SLC6A16: variants seen among roughly 807,000 people sequenced by gnomAD.
SLC6A16 encodes the protein orphan sodium- and chloride-dependent neurotransmitter transporter NTT5.
In SLC6A16, 54 loss-of-function variants were observed where a neutral mutation model predicts 65.4. The ratio of observed to expected loss-of-function variants is 0.83; its 90% CI spans 0.66 to 1.04. The LOEUF is 1.04. Ranked by LOEUF, SLC6A16 falls within the 50% of genes least tolerant of loss-of-function variation. SLC6A16 has a pLI of 0.00. For synonymous variants in SLC6A16, 330 were observed against 346.5 expected, an observed-to-expected ratio of 0.95 and a Z score of 0.53; for missense variants, 816 against 914.0, an observed-to-expected ratio of 0.89 and a Z score of 1.38.
intron 9 of SLC6A16, among the ~76,000 whole-genome samples, 190 bp from the exon 10 acceptor site, chr19:49,293,572 C>T (rs1167791398): frequency 6.6e-6 from 1 of 152,082 alleles, no homozygotes; most frequent in Non-Finnish European, 1.5e-5. Context: ...TGAGACCAGC[C>T]AGGCAACATG....
intron 1 of SLC6A16, among the ~76,000 whole-genome samples, chr19:49,317,294 T>C (rs1970628668): frequency 6.6e-6 from 1 of 151,862 alleles, no homozygotes; most frequent in South Asian, 2.1e-4. Flanking sequence ...TGAGCCAAGA[T>C]TGCACCACTG....
chr19:49,333,577 G>C, the SLC6A16 span, among the ~76,000 whole-genome samples: 1 of 152,182 alleles, frequency 6.6e-6, no homozygotes, highest in Non-Finnish European at 1.5e-5. Context: ...CCCCTCTGGG[G>C]CTATGTGGGG....
Position 49,290,048 on chromosome 19 carries a change from G to A in SLC6A16, c.*75C>T. 1 of 1,457,342 alleles carries A rather than the reference G, an allele frequency of 6.9e-7. No homozygotes were observed. Among genetic ancestry groups the A allele is most frequent in the Non-Finnish European group, 9.4e-7 (1 of 1,067,610 alleles). The allele number at this position is 1,457,342 out of a possible 1,614,324, so 90.3% of individuals were successfully genotyped here. On this transcript the variant is annotated 3_prime_UTR_variant, in exon 12 of 12. Coordinates refer to ENST00000335875, the MANE Select transcript of SLC6A16 (RefSeq NM_014037.3). ...GGTTCTGGATCCAGGGAGATCAACA[G>A]TTGCAAGCTGATATTAAGAGTTGTC...
chr19:49,294,417 T>G lies in SLC6A16; in HGVS notation c.1366A>C (p.Met456Leu), dbSNP rs750394273. 33 of 1,614,036 alleles carry G rather than the reference T, an allele frequency of 2.0e-5. No individual in the cohort carries two copies. The highest frequency in any genetic ancestry group is 1.9e-5 in the Non-Finnish European group (22 of 1,180,028). Residue 456 changes from methionine (M) to leucine (L), a missense_variant, in exon 8 of 12, where the codon ATG becomes CTG. Transcript: ENST00000335875. The part of the protein sequence containing the change: ...LSGLPQHIKS[M>L]VLREVTECNI... ...CACTCAGTCACCTCGCGGAGAACCA[T>G]GCTTTTGATGTGCTGGGGAAGGCCA...
intron 7 of SLC6A16, among the ~76,000 whole-genome samples, chr19:49,299,720 C>G (rs190550250): frequency 6.6e-6 from 1 of 151,452 alleles, no homozygotes; most frequent in African/African-American, 2.4e-5. Context: ...CACTAGCAGA[C>G]TATCACTAAA....
chr19:49,290,738 C>G lies in SLC6A16; in HGVS notation c.1808G>C (p.Gly603Ala), dbSNP rs1450875177. Reference protein sequence around the residue: ...RFLADLTILLGHPISPIFGWL... With the variant: ...RFLADLTILLAHPISPIFGWL... ...ACCAAAGATGGGAGAGATGGGGTGG[C>G]CCAACAGGATCGTCAGGTCTGCAAG... The change falls in exon 11 of 12, where the codon GGC becomes GCC. Residue 603 changes from glycine (G) to alanine (A), a missense_variant. Transcript: ENST00000335875. 1.2e-6 allele frequency: 2 copies of G among 1,612,372 alleles called. No homozygotes were observed. Among genetic ancestry groups the G allele is most frequent in the Non-Finnish European group, 1.7e-6 (2 of 1,179,298 alleles).
intron 1 of SLC6A16, 23 bp from the exon 2 acceptor site, chr19:49,311,434 G>C: frequency 1.4e-6 from 2 of 1,407,490 alleles, no homozygotes; most frequent in East Asian, 4.8e-5. Context: ...AAAATCTGTA[G>C]ATTTTAGATT....
the SLC6A16 span, chr19:49,338,923 A>G: frequency 5.0e-6 from 8 of 1,612,638 alleles, no homozygotes; most frequent in South Asian, 8.8e-5. This position sits in a 1 kb window ranked among gnomAD's most constrained non-coding sequence, Gnocchi z 5.0. Flanking sequence ...GCAGAGAGCC[A>G]CATCTACCGC....
At position 49,311,211 on chromosome 19, in the gene SLC6A16, G is replaced by A. The variant is rs374191258; in HGVS notation, c.137C>T (p.Thr46Ile). Residue 46 changes from threonine (T) to isoleucine (I), a missense_variant, in exon 2 of 12, where the codon ACC (threonine) becomes ATC (isoleucine). Coordinates refer to ENST00000335875, the MANE Select transcript of SLC6A16 (RefSeq NM_014037.3). ...GGCTGCTGAAACTTGGGCCTCTGAG[G>A]TCCAAGATGTTGCAGACCGGGTCAA... ...GSLTRSATSW[T>I]SEAQVSAARV... 1.7e-5 allele frequency: 27 copies of A among 1,614,000 alleles called. No homozygotes were observed. In the African/African-American group the frequency reaches 2.9e-4, roughly 18 times the overall value.
At chr19:49,340,245 C>T in the SLC6A16 span, 2 of 1,612,060 alleles carry the variant, frequency 1.2e-6, no homozygotes, top group Non-Finnish European at 1.7e-6. Context: ...TCTCCTTTCT[C>T]TATAGCTCGG....
chr19:49,329,763 GCTGGGACTACAGGCGCCCGCCACTACGC>G (rs1168165046), upstream of SLC6A16, among the ~76,000 whole-genome samples: 1 of 150,892 alleles, frequency 6.6e-6, no homozygotes, highest in East Asian at 2.0e-4. Context: ...CTCCCGAATA[GCTGGGACTACAGGCGCCCGCCACTACGC>G]CTGGCTAATT....
Position 49,294,621 on chromosome 19 carries a change from T to A in SLC6A16, c.1230-68A>T, listed in dbSNP as rs1049299015. The A allele has an allele frequency of 1.8e-5, 24 of 1,344,670 alleles. No individual in the cohort carries two copies. The African/African-American group carries it at 3.4e-4, about 19-fold the overall frequency. 83.3% of individuals were successfully genotyped at this position (1,344,670 alleles called of 1,614,324 possible). ...TAGGAGATAGTCTCCTTTTCCCTTA[T>A]CTTCAAGATAAAAAAGGCTATCACT... On this transcript the variant is annotated intron_variant, in intron 7 of 11. Transcript: ENST00000335875.
intron 7 of SLC6A16, among the ~76,000 whole-genome samples, chr19:49,306,880 T>A (rs1970399822): frequency 6.6e-6 from 1 of 152,020 alleles, no homozygotes; most frequent in South Asian, 2.1e-4. Context: ...TATGCGTATC[T>A]ACTAAGCAAT....
chr19:49,293,707 TA>T, intron 9 of SLC6A16, 119 bp downstream of exon 9: 1 of 859,960 alleles, frequency 1.2e-6, no homozygotes, highest in Non-Finnish European at 1.9e-6. Flanking sequence ...GAAGTTGCAG[TA>T]AGCCGAGATC....
At chr19:49,305,100 C>A (rs967395911) in intron 7 of SLC6A16, among the ~76,000 whole-genome samples, 12 of 152,174 alleles carry the variant, frequency 7.9e-5, no homozygotes, top group Non-Finnish European at 1.0e-4. Context: ...CTTCCTTCAA[C>A]CAAGAAATGT....
the SLC6A16 span, among the ~76,000 whole-genome samples, chr19:49,334,052 A>C: frequency 1.8e-4 from 27 of 152,202 alleles, no homozygotes; most frequent in Admixed American, 1.1e-3. Flanking sequence ...ACTCCCAGGG[A>C]CCTTCCCACC....
intron 3 of SLC6A16, 79 bp downstream of exon 3, chr19:49,310,274 C>T: frequency 6.2e-7 from 1 of 1,602,730 alleles, no homozygotes; most frequent in Non-Finnish European, 8.5e-7. Context: ...TGGAGGTATT[C>T]ACAGGGCGCA....
At chr19:49,336,803 G>A in the SLC6A16 span, 4 of 1,197,702 alleles carry the variant, frequency 3.3e-6, no homozygotes, top group South Asian at 4.2e-5. Context: ...CCCAGAGAGA[G>A]GGGCACCAAG....
At chr19:49,338,969 A>C in the SLC6A16 span, 1 of 1,417,710 alleles carries the variant, frequency 7.1e-7, no homozygotes, top group South Asian at 1.1e-5. This position sits in a 1 kb window ranked among gnomAD's most constrained non-coding sequence, Gnocchi z 5.0. Flanking sequence ...AACCTGTCGA[A>C]TGGGGCGGGG....
Sources: allele counts gnomAD v4.1 joint callset (sites outside exome capture counted in the v4.1 genomes callset), GRCh38; gene constraint gnomAD v4.1.1; non-coding constraint Gnocchi (gnomAD v3.1); transcripts MANE v1.5; gene names NCBI Gene and HGNC (gene_info 2026-07-23, HGNC 2026-07-21).